Variants in GLIS3 observed in about 807,000 individuals in gnomAD.
GLIS3 encodes the protein zinc finger protein GLIS3.
GLIS3 carries 53 observed loss-of-function variants against 78.6 expected under a neutral mutation model. The observed-to-expected ratio is 0.67, with a 90% confidence interval of 0.54 to 0.85. The LOEUF (loss-of-function observed/expected upper bound fraction) is 0.85, where lower values mean the gene tolerates loss of function less well. GLIS3 is among the 40% of genes least tolerant of loss of function. The pLI, the probability that GLIS3 is intolerant of heterozygous loss-of-function variation, is 0.00. For synonymous variants in GLIS3, 684 were observed against 509.9 expected, an observed-to-expected ratio of 1.34 and a Z score of -4.60; for missense variants, 1,703 against 1,231.1, an observed-to-expected ratio of 1.38 and a Z score of -5.74.
chr9:4,385,495 C>G, the GLIS3 span, among the ~76,000 whole-genome samples: 1 of 151,872 alleles, frequency 6.6e-6, no homozygotes, highest in African/African-American at 2.4e-5. Flanking sequence ...ATAACCCTGT[C>G]TCTACTAAAA....
At chr9:4,302,024 C>A (rs73641411), upstream of GLIS3, among the ~76,000 whole-genome samples, 1 of 149,262 alleles carries the variant, frequency 6.7e-6, no homozygotes, top group Admixed American at 6.7e-5. Flanking sequence ...GAATGTAGAT[C>A]TGCAATGTTC....
At chr9:4,323,291 T>G (rs1445236461) in intron 2 of GLIS3, among the ~76,000 whole-genome samples, 1 of 152,220 alleles carries the variant, frequency 6.6e-6, no homozygotes, top group Non-Finnish European at 1.5e-5. Flanking sequence ...TGCCTTGGCC[T>G]CCCAAAGTGC....
chr9:4,316,602 T>C (rs1346846824), intron 2 of GLIS3, among the ~76,000 whole-genome samples: 1 of 152,172 alleles, frequency 6.6e-6, no homozygotes, highest in Non-Finnish European at 1.5e-5. Flanking sequence ...AAAGTGTGCA[T>C]GCTAGGTGAA....
At chr9:4,111,095 T>C (rs1158150371) in intron 4 of GLIS3, among the ~76,000 whole-genome samples, 1 of 152,200 alleles carries the variant, frequency 6.6e-6, no homozygotes, top group Non-Finnish European at 1.5e-5. Flanking sequence ...TTAGAATCTA[T>C]ATACAAACAA....
intron 3 of GLIS3, among the ~76,000 whole-genome samples, chr9:4,123,121 A>C (rs1387017501): frequency 6.6e-6 from 1 of 152,186 alleles, no homozygotes; most frequent in African/African-American, 2.4e-5. Context: ...AAAAATACAA[A>C]CAGCCAATAA....
In GLIS3 at chr9:4,063,089, CA is replaced by C. The variant is rs57159762; in HGVS notation, c.1710+54678del. 1.1e-4 allele frequency among the ~76,000 whole-genome samples: 16 copies of C among 149,526 alleles called. No homozygotes were observed. The South Asian group carries it at 2.6e-3, about 24-fold the overall frequency. ...GATGGCAAACTGAGTTCCATATCTGCAAAAAAAAACAATGCACAAAGAAAAA... is the reference window on the plus strand; with the variant it reads ...GATGGCAAACTGAGTTCCATATCTGCAAAAAAAACAATGCACAAAGAAAAA... On this transcript the variant is annotated intron_variant, in intron 4 of 10. Coordinates refer to ENST00000381971, the MANE Select transcript of GLIS3 (RefSeq NM_001042413.2).
chr9:4,349,061 G>A (rs1216389855), upstream of GLIS3, among the ~76,000 whole-genome samples: 1 of 152,118 alleles, frequency 6.6e-6, no homozygotes, highest in East Asian at 1.9e-4. Context: ...AATAATAGGA[G>A]AATGCAACAT....
At chr9:4,348,078 T>C (rs1357498795) in intron 1 of GLIS3, among the ~76,000 whole-genome samples, 1 of 152,192 alleles carries the variant, frequency 6.6e-6, no homozygotes, top group Non-Finnish European at 1.5e-5. Context: ...TTATCAAATT[T>C]CTAAAATGCA....
At chr9:3,940,005 T>G (rs190890730) in intron 4 of GLIS3, among the ~76,000 whole-genome samples, 7 of 152,368 alleles carry the variant, frequency 4.6e-5, no homozygotes, top group African/African-American at 1.4e-4. Flanking sequence ...AAGGAGGTGC[T>G]GTTCATTTCT....
chr9:4,390,953 C>T, the GLIS3 span, among the ~76,000 whole-genome samples: 2 of 152,184 alleles, frequency 1.3e-5, no homozygotes, highest in Non-Finnish European at 2.9e-5. Context: ...AAGTTCTCCA[C>T]ATTGGGGCCT....
At chr9:4,400,751 C>A in the GLIS3 span, among the ~76,000 whole-genome samples, 3 of 152,164 alleles carry the variant, frequency 2.0e-5, no homozygotes, top group African/African-American at 7.2e-5. Context: ...GGGCTCTGGG[C>A]AGAGTCATGA....
At chr9:4,030,160 C>T (rs973080842) in intron 4 of GLIS3, among the ~76,000 whole-genome samples, 2 of 152,104 alleles carry the variant, frequency 1.3e-5, no homozygotes, top group Admixed American at 6.6e-5. Flanking sequence ...GAGATGATAT[C>T]GCCTCGTAGT....
At chr9:4,460,502 T>C in the GLIS3 span, among the ~76,000 whole-genome samples, 2,090 of 152,236 alleles carry the variant, frequency 0.014, 47 homozygotes, top group African/African-American at 0.048. Context: ...TGTAGGTATA[T>C]ATACTCCAAG....
chr9:4,314,321 G>C (rs915188923), intron 2 of GLIS3, among the ~76,000 whole-genome samples: 3 of 152,320 alleles, frequency 2.0e-5, no homozygotes, highest in East Asian at 1.9e-4. Context: ...CTCCCAGGCT[G>C]CATGTCTTGG....
At chr9:4,473,618 C>A in the GLIS3 span, among the ~76,000 whole-genome samples, 1 of 151,922 alleles carries the variant, frequency 6.6e-6, no homozygotes. Context: ...TAGAAGGGAA[C>A]AGCACACACT....
chr9:4,396,329 C>T, the GLIS3 span, among the ~76,000 whole-genome samples: 38 of 152,032 alleles, frequency 2.5e-4, no homozygotes, highest in African/African-American at 8.2e-4. Context: ...AGGTTGATCT[C>T]GAGTTGGCCA....
chr9:3,917,370 G>C (rs1048648058), intron 6 of GLIS3, among the ~76,000 whole-genome samples: 2 of 152,210 alleles, frequency 1.3e-5, no homozygotes, highest in African/African-American at 4.8e-5. Flanking sequence ...CCAGAAGAAA[G>C]GGTGACATTG....
intron 2 of GLIS3, among the ~76,000 whole-genome samples, chr9:4,276,261 G>C (rs984249304): frequency 1.4e-5 from 2 of 143,252 alleles, no homozygotes; most frequent in Admixed American, 7.1e-5. Context: ...GGGCAACAGA[G>C]TAAGACTGAA....
chr9:4,384,350 A>C, the GLIS3 span, among the ~76,000 whole-genome samples: 2 of 152,156 alleles, frequency 1.3e-5, no homozygotes, highest in Non-Finnish European at 2.9e-5. Flanking sequence ...TGGAAAAAAA[A>C]AAACTTTTTA....
Sources: allele counts gnomAD v4.1 joint callset (sites outside exome capture counted in the v4.1 genomes callset), GRCh38; gene constraint gnomAD v4.1.1; transcripts MANE v1.5; gene names NCBI Gene and HGNC (gene_info 2026-07-23, HGNC 2026-07-21).